Variants in STRN3 observed in about 807,000 individuals in gnomAD.
STRN3 encodes the protein striatin 3.
Under a neutral mutation model 95.6 loss-of-function variants are expected in STRN3, and 29 were observed. The observed-to-expected ratio is 0.30, with a 90% CI of 0.23 to 0.41. The LOEUF is 0.41. Among genes scored for constraint, STRN3 ranks in the 10% least tolerant of loss-of-function variants. The pLI, the probability that STRN3 is intolerant of heterozygous loss-of-function variation, is 1.00. For missense variants in STRN3, 890 were observed against 972.1 expected (o/e 0.92, Z 1.12); for synonymous variants, 331 against 357.6 (o/e 0.93, Z 0.84).
At chr14:31,019,300 C>A (rs1013767978) in intron 1 of STRN3, among the ~76,000 whole-genome samples, 2 of 152,104 alleles carry the variant, frequency 1.3e-5, no homozygotes, top group African/African-American at 4.8e-5. Flanking sequence ...CATAGTGAGA[C>A]CCTGTCTCTT....
chr14:30,928,373 T>C (rs1008838227), intron 8 of STRN3, among the ~76,000 whole-genome samples: 4 of 151,632 alleles, frequency 2.6e-5, no homozygotes, highest in Admixed American at 6.6e-5. Context: ...TATTTTCTCC[T>C]TTATATAGTC....
At chr14:30,986,027 G>A (rs1365893736) in intron 1 of STRN3, among the ~76,000 whole-genome samples, 1 of 152,042 alleles carries the variant, frequency 6.6e-6, no homozygotes, top group Non-Finnish European at 1.5e-5. Context: ...ACCACAAGAT[G>A]GGAAACCTAG....
At chr14:31,009,321 A>G (rs574313596) in intron 1 of STRN3, among the ~76,000 whole-genome samples, 1 of 152,110 alleles carries the variant, frequency 6.6e-6, no homozygotes, top group Non-Finnish European at 1.5e-5. Context: ...TTTTGGGCTA[A>G]TATTTTATTT....
chr14:30,938,312 A>T (rs1000798476), intron 5 of STRN3, among the ~76,000 whole-genome samples: 2 of 152,186 alleles, frequency 1.3e-5, no homozygotes, highest in African/African-American at 4.8e-5. Flanking sequence ...CCACAAATCT[A>T]CCACAACAAA....
At chr14:30,975,577 C>CGAAA (rs948161328) in intron 1 of STRN3, among the ~76,000 whole-genome samples, 8 of 137,838 alleles carry the variant, frequency 5.8e-5, no homozygotes, top group African/African-American at 1.9e-4. Flanking sequence ...AGAAAGAGAA[C>CGAAA]GAAAGAAAGA....
rs138359233 is a variant in STRN3, at chr14:31,022,905, T to C, written c.282+2999A>G. On this transcript the variant is annotated intron_variant, in intron 1 of 17. Transcript: ENST00000357479. ...TTAGAAGTCGTAACATGATAGATGT[T>C]GCTGCTTAAAGATCCTTAAGTTAGT... 5.8e-3 allele frequency among the ~76,000 whole-genome samples: 876 copies of C among 152,316 alleles called. 9 individuals carry two copies. The highest frequency in any genetic ancestry group is 0.02 in the African/African-American group (827 of 41,584).
chr14:30,977,653 TGTG>T lies in STRN3; in HGVS notation c.283-21414_283-21412del, dbSNP rs1246840589. Among the ~76,000 whole-genome samples the T allele has an allele frequency of 1.2e-4, 18 of 147,608 alleles. No homozygotes were observed. The East Asian group carries it at 1.6e-3, about 13-fold the overall frequency. ...ACAAAAAAAAAAAAAATTAGCCAGG[TGTG>T]GTGGTGGGCGCCTGTAATCCCAGCT... On this transcript the variant is annotated intron_variant, in intron 1 of 17. Coordinates refer to ENST00000357479, the MANE Select transcript of STRN3 (RefSeq NM_001083893.2).
chr14:31,026,196 GC>G lies in STRN3; in HGVS notation c.-12del, dbSNP rs1190885235. On this transcript the variant is annotated 5_prime_UTR_variant, in exon 1 of 18. Coordinates refer to ENST00000357479, the MANE Select transcript of STRN3 (RefSeq NM_001083893.2). ...GGCAAGCTCGTCCATTGTGTGTGGG[GC>G]CCCGGCCGGGGCGCAGGGCGAGACG... 2 of 1,415,772 alleles carry G rather than the reference GC, an allele frequency of 1.4e-6. No homozygotes were observed. The highest frequency in any genetic ancestry group is 9.1e-7 in the Non-Finnish European group (1 of 1,095,726). The allele number at this position is 1,415,772 out of a possible 1,614,324, so 87.7% of individuals were successfully genotyped here.
At chr14:30,986,112 A>G (rs939212630) in intron 1 of STRN3, among the ~76,000 whole-genome samples, 2 of 152,218 alleles carry the variant, frequency 1.3e-5, no homozygotes, top group Non-Finnish European at 2.9e-5. Context: ...TTTCTATGAA[A>G]GGAGTGAAGG....
intron 11 of STRN3, 58 bp from the exon 12 acceptor site, chr14:30,911,882 C>T (rs1177129985): frequency 6.4e-7 from 1 of 1,568,390 alleles, no homozygotes; most frequent in Non-Finnish European, 8.7e-7. Flanking sequence ...CTATGAATCA[C>T]TGGTTGATAT....
chr14:30,941,887 A>G (rs1007159591), intron 5 of STRN3, among the ~76,000 whole-genome samples: 1 of 152,118 alleles, frequency 6.6e-6, no homozygotes, highest in Admixed American at 6.5e-5. Context: ...CAGCCTCCCA[A>G]AGTGCTGGGA....
intron 5 of STRN3, among the ~76,000 whole-genome samples, chr14:30,942,970 TA>T (rs1879166801): frequency 6.6e-6 from 1 of 152,238 alleles, no homozygotes; most frequent in African/African-American, 2.4e-5. Context: ...GGCTAGTAAC[TA>T]GTGGTTAAGT....
chr14:30,990,822 T>A (rs542456850), intron 1 of STRN3, among the ~76,000 whole-genome samples: 1 of 152,250 alleles, frequency 6.6e-6, no homozygotes, highest in East Asian at 1.9e-4. Context: ...TGTAGGTGCA[T>A]GTAAATAGTT....
chr14:30,895,606 T>C (rs762818200), intron 17 of STRN3, 26 bp from the exon 18 acceptor site: 20 of 1,610,260 alleles, frequency 1.2e-5, no homozygotes, highest in Non-Finnish European at 1.3e-5. Flanking sequence ...TAAAATTTGT[T>C]ACTGAGTAAC....
At chr14:30,962,813 G>A (rs1320540940) in intron 1 of STRN3, among the ~76,000 whole-genome samples, 2 of 151,966 alleles carry the variant, frequency 1.3e-5, no homozygotes, top group South Asian at 2.1e-4. Flanking sequence ...GATTACAGGT[G>A]TGAGTGACAG....
intron 1 of STRN3, among the ~76,000 whole-genome samples, chr14:31,004,244 A>G (rs910861204): frequency 2.6e-5 from 4 of 151,880 alleles, no homozygotes; most frequent in Non-Finnish European, 5.9e-5. Flanking sequence ...CCATGATCAC[A>G]CTGCCACACT....
At chr14:31,001,754 T>A (rs1443217054) in intron 1 of STRN3, among the ~76,000 whole-genome samples, 1 of 152,194 alleles carries the variant, frequency 6.6e-6, no homozygotes, top group Non-Finnish European at 1.5e-5. Context: ...AACAGACGAA[T>A]GGATCTGTTA....
At chr14:30,969,995 C>G (rs530129290) in intron 1 of STRN3, among the ~76,000 whole-genome samples, 4 of 152,284 alleles carry the variant, frequency 2.6e-5, no homozygotes, top group African/African-American at 9.6e-5. Context: ...AGCGCCACCC[C>G]CTCCAGTCAT....
chr14:30,974,926 C>A (rs1881016781), intron 1 of STRN3, among the ~76,000 whole-genome samples: 1 of 151,586 alleles, frequency 6.6e-6, no homozygotes, highest in African/African-American at 2.4e-5. Flanking sequence ...TGCCACAAAC[C>A]TTCAAATTGT....
Sources: allele counts gnomAD v4.1 joint callset (sites outside exome capture counted in the v4.1 genomes callset), GRCh38; gene constraint gnomAD v4.1.1; transcripts MANE v1.5; gene names NCBI Gene and HGNC (gene_info 2026-07-23, HGNC 2026-07-21).